Variants in DAB1 observed in about 807,000 individuals in gnomAD.
The protein encoded by DAB1 is disabled homolog 1.
A neutral mutation model predicts 64.6 loss-of-function variants in DAB1; 15 were observed. The ratio of observed to expected loss-of-function variants is 0.23; its 90% CI spans 0.16 to 0.36. The LOEUF (loss-of-function observed/expected upper bound fraction) is 0.36, where lower values mean the gene tolerates loss of function less well. DAB1 is among the 10% of genes least tolerant of loss of function. DAB1 has a pLI of 1.00. For missense variants in DAB1, 596 were observed against 706.7 expected, an observed-to-expected ratio of 0.84 and a Z score of 1.78; for synonymous variants, 235 against 251.9, an observed-to-expected ratio of 0.93 and a Z score of 0.64.
rs186111980 is a variant in DAB1 at position 57,461,179 on chromosome 1, G to T, written n.626-170013C>A. On this transcript the variant is annotated intron_variant and non_coding_transcript_variant, in intron 7 of 20. Transcript: ENST00000485760. ...GGCTGACTCTCCATTTATCAAAGCA[G>T]ATCTGTACCACAGCAACACACAGAG... Among the ~76,000 whole-genome samples, 9 of 152,316 alleles carry T rather than the reference G, an allele frequency of 5.9e-5. No individual in the cohort carries two copies. In the East Asian group the frequency reaches 1.7e-3, roughly 29 times the overall value.
upstream of DAB1, among the ~76,000 whole-genome samples, chr1:57,426,874 A>ATATATATTTTAT (rs57970737): frequency 2.7e-5 from 4 of 149,182 alleles, no homozygotes; most frequent in African/African-American, 9.9e-5. Flanking sequence ...ATATATATAT[A>ATATATATTTTAT]TTTTTTTGAG....
chr1:57,901,564 A>C (rs6679454), intron 5 of DAB1, among the ~76,000 whole-genome samples: 1 of 151,874 alleles, frequency 6.6e-6, no homozygotes, highest in Admixed American at 6.6e-5. Context: ...ACCCTAACCC[A>C]CCCTGATGAC....
intron 7 of DAB1, among the ~76,000 whole-genome samples, chr1:57,441,661 A>G (rs1685966731): frequency 1.3e-5 from 2 of 151,830 alleles, no homozygotes; most frequent in South Asian, 4.2e-4. Flanking sequence ...GCCACCATCT[A>G]TTTTCTTTAT....
At chr1:57,122,285 C>G (rs1355849422) in intron 4 of DAB1, among the ~76,000 whole-genome samples, 3 of 152,162 alleles carry the variant, frequency 2.0e-5, no homozygotes, top group African/African-American at 7.2e-5. Flanking sequence ...GCCTGGTACA[C>G]ATTGGATGCT....
chr1:57,220,693 C>T (rs1428577665), intron 2 of DAB1, among the ~76,000 whole-genome samples: 1 of 152,122 alleles, frequency 6.6e-6, no homozygotes, highest in South Asian at 2.1e-4. Context: ...AAATCAAAAC[C>T]ACAATGAGAT....
At chr1:57,473,155 G>A (rs1687201407) in intron 7 of DAB1, among the ~76,000 whole-genome samples, 3 of 152,206 alleles carry the variant, frequency 2.0e-5, no homozygotes, top group African/African-American at 7.2e-5. Context: ...TAGTCAGACA[G>A]ACCTAGGTTC....
intron 1 of DAB1, among the ~76,000 whole-genome samples, chr1:57,343,946 G>A (rs1039032789): frequency 6.6e-6 from 1 of 152,260 alleles, no homozygotes; most frequent in Non-Finnish European, 1.5e-5. Flanking sequence ...GGGCTGTGAG[G>A]GCTGCCAGCA....
intron 2 of DAB1, among the ~76,000 whole-genome samples, chr1:57,174,597 C>G (rs1662105825): frequency 6.6e-6 from 1 of 152,116 alleles, no homozygotes; most frequent in South Asian, 2.1e-4. Context: ...ATACCAGTCA[C>G]TTTATTTATA....
At chr1:58,222,372 G>GGA (rs1659220773) in intron 4 of DAB1, among the ~76,000 whole-genome samples, 1 of 152,062 alleles carries the variant, frequency 6.6e-6, no homozygotes, top group South Asian at 2.1e-4. Flanking sequence ...CCCTACAGAT[G>GGA]GATGTTCATT....
At chr1:57,104,754 G>A (rs2100702031) in intron 4 of DAB1, among the ~76,000 whole-genome samples, 1 of 152,236 alleles carries the variant, frequency 6.6e-6, no homozygotes, top group Admixed American at 6.5e-5. Flanking sequence ...GTCTTGAGAT[G>A]ATGAGACCAT....
intron 7 of DAB1, among the ~76,000 whole-genome samples, chr1:57,508,726 T>A (rs1371427695): frequency 6.6e-6 from 1 of 152,226 alleles, no homozygotes. Flanking sequence ...TGCTGATGTC[T>A]GCTCTATTCA....
At chr1:57,424,447 G>C (rs1217158475), upstream of DAB1, among the ~76,000 whole-genome samples, 4 of 151,976 alleles carry the variant, frequency 2.6e-5, no homozygotes, top group Non-Finnish European at 5.9e-5. Flanking sequence ...AGCCGAGAGC[G>C]AGGGGTCCCC....
At chr1:57,298,966 G>A (rs542037445) in intron 1 of DAB1, among the ~76,000 whole-genome samples, 8 of 152,280 alleles carry the variant, frequency 5.3e-5, no homozygotes, top group East Asian at 3.9e-4. Context: ...AATTGACACC[G>A]TGGTATCACA....
chr1:57,974,509 G>GATAT (rs1557588974), intron 5 of DAB1, among the ~76,000 whole-genome samples: 1 of 151,538 alleles, frequency 6.6e-6, no homozygotes, highest in Non-Finnish European at 1.5e-5. Context: ...TAGATATATA[G>GATAT]ATAGATAGAT....
At chr1:57,324,362 CA>C (rs1570278092) in intron 1 of DAB1, among the ~76,000 whole-genome samples, 1 of 152,220 alleles carries the variant, frequency 6.6e-6, no homozygotes, top group Admixed American at 6.5e-5. Context: ...TCTCCTATGA[CA>C]AAAGACAAAG....
intron 2 of DAB1, among the ~76,000 whole-genome samples, chr1:58,516,887 C>A (rs1331264251): frequency 6.6e-6 from 1 of 152,178 alleles, no homozygotes; most frequent in Non-Finnish European, 1.5e-5. Flanking sequence ...TGGGTCAGGA[C>A]TTTCTCTCCC....
At chr1:57,078,254 G>A (rs968653043) in intron 4 of DAB1, among the ~76,000 whole-genome samples, 5 of 152,096 alleles carry the variant, frequency 3.3e-5, no homozygotes, top group African/African-American at 9.7e-5. Flanking sequence ...TCCAAATAAC[G>A]TAGTCTCTCG....
At chr1:58,114,021 C>A (rs896167566) in intron 5 of DAB1, among the ~76,000 whole-genome samples, 1 of 149,372 alleles carries the variant, frequency 6.7e-6, no homozygotes, top group African/African-American at 2.5e-5. Flanking sequence ...TCCAGGTGGG[C>A]GGATTACTTG....
At chr1:58,447,985 G>T (rs1334427461) in intron 3 of DAB1, among the ~76,000 whole-genome samples, 1 of 151,992 alleles carries the variant, frequency 6.6e-6, no homozygotes, top group East Asian at 1.9e-4. Flanking sequence ...ATTCCCCCGG[G>T]GGAATGGCAT....
Sources: allele counts gnomAD v4.1 joint callset (sites outside exome capture counted in the v4.1 genomes callset), GRCh38; gene constraint gnomAD v4.1.1; transcripts MANE v1.5; gene names NCBI Gene and HGNC (gene_info 2026-07-23, HGNC 2026-07-21).